KIF26B: variants seen among roughly 807,000 people sequenced by gnomAD.
KIF26B encodes the protein kinesin family member 26B, also known as kinesin-like protein KIF26B.
In KIF26B, 63 loss-of-function variants were observed where a neutral mutation model predicts 151.2. The ratio of observed to expected loss-of-function variants is 0.42; its 90% CI spans 0.34 to 0.51. The LOEUF is 0.51. Ranked by LOEUF, KIF26B falls within the 20% of genes least tolerant of loss-of-function variation. KIF26B has a pLI of 0.07. For missense variants in KIF26B, 2,813 were observed against 2,913.6 expected (o/e 0.97, Z 0.79); for synonymous variants, 1,357 against 1,262.1 (o/e 1.08, Z -1.59).
intron 4 of KIF26B, among the ~76,000 whole-genome samples, chr1:245,443,208 T>C (rs899718318): frequency 1.3e-5 from 2 of 150,750 alleles, no homozygotes; most frequent in African/African-American, 4.9e-5. Context: ...AGAGCTGTCA[T>C]CTCCCTCACT....
At chr1:245,190,639 G>T (rs55943417) in intron 2 of KIF26B, among the ~76,000 whole-genome samples, 62,119 of 138,552 alleles carry the variant, frequency 0.45, 15,251 homozygotes, top group East Asian at 0.71. Context: ...GTTTTGTTTT[G>T]TTTTTTTTTT....
chr1:245,340,093 C>T (rs1285390129), intron 2 of KIF26B, among the ~76,000 whole-genome samples: 1 of 152,166 alleles, frequency 6.6e-6, no homozygotes, highest in African/African-American at 2.4e-5. Context: ...AGAAAAATGA[C>T]AAAATGTTCC....
At chr1:245,657,166 C>A (rs2044084048) in intron 10 of KIF26B, among the ~76,000 whole-genome samples, 1 of 152,274 alleles carries the variant, frequency 6.6e-6, no homozygotes, top group Admixed American at 6.5e-5. Context: ...GATTTGGCAG[C>A]CTCCCATTTA....
chr1:245,541,948 C>T (rs916054988), intron 5 of KIF26B, among the ~76,000 whole-genome samples: 1 of 152,208 alleles, frequency 6.6e-6, no homozygotes, highest in Non-Finnish European at 1.5e-5. Context: ...TTTCACCTTT[C>T]CCAGTTTCTC....
chr1:245,412,811 G>A (rs1348426078), intron 3 of KIF26B, among the ~76,000 whole-genome samples: 1 of 152,206 alleles, frequency 6.6e-6, no homozygotes, highest in Admixed American at 6.5e-5. Context: ...GATGTGGCCT[G>A]TGAAAAGCAG....
chr1:245,284,022 G>T (rs919768635), intron 2 of KIF26B, among the ~76,000 whole-genome samples: 1 of 152,142 alleles, frequency 6.6e-6, no homozygotes, highest in Non-Finnish European at 1.5e-5. Flanking sequence ...AAGTCCCTAC[G>T]CAATGCGGCT....
rs74163858 is a variant in KIF26B, at chr1:245,627,703, G to GA, written c.2098+15737dup. On this transcript the variant is annotated intron_variant, in intron 9 of 14. Transcript: ENST00000407071. ...CAATGAATCCAGGAGCCAGTTTTTT[G>GA]AAAAAAAAAATTAAGGAAATAGACC... 1.9e-3 allele frequency among the ~76,000 whole-genome samples: 277 copies of GA among 147,298 alleles called. 1 individual carries two copies. The highest frequency in any genetic ancestry group is 2.8e-3 in the Non-Finnish European group (187 of 66,606).
chr1:245,339,135 G>A (rs1017097736), intron 2 of KIF26B, among the ~76,000 whole-genome samples: 1 of 151,892 alleles, frequency 6.6e-6, no homozygotes, highest in Non-Finnish European at 1.5e-5. Flanking sequence ...GTGCCACCAC[G>A]CCTGGCTAAT....
chr1:245,379,985 A>G (rs960671955), intron 3 of KIF26B, among the ~76,000 whole-genome samples: 1 of 151,582 alleles, frequency 6.6e-6, no homozygotes, highest in Non-Finnish European at 1.5e-5. Context: ...AAAAAAAAAA[A>G]AAGTCCTCAC....
At chr1:245,235,520 G>A (rs1028116851) in intron 2 of KIF26B, among the ~76,000 whole-genome samples, 4 of 152,034 alleles carry the variant, frequency 2.6e-5, no homozygotes, top group Non-Finnish European at 5.9e-5. Flanking sequence ...TTGAGCCTAA[G>A]AGTTTGAGGT....
intron 3 of KIF26B, among the ~76,000 whole-genome samples, chr1:245,408,349 CTTT>C (rs58724712): frequency 0.19 from 21,069 of 112,870 alleles, 2,525 homozygotes; most frequent in African/African-American, 0.42. Context: ...TTAAATGATT[CTTT>C]TTTTTTTTTT....
chr1:245,387,623 T>A (rs564055432), intron 3 of KIF26B, among the ~76,000 whole-genome samples: 2 of 152,058 alleles, frequency 1.3e-5, no homozygotes, highest in Non-Finnish European at 2.9e-5. Context: ...AGCCTGCAGG[T>A]CTAGACTGCA....
At chr1:245,288,407 G>T (rs925743204) in intron 2 of KIF26B, among the ~76,000 whole-genome samples, 2 of 152,166 alleles carry the variant, frequency 1.3e-5, no homozygotes, top group Non-Finnish European at 2.9e-5. Flanking sequence ...CCCATTTAAC[G>T]ATCAGTTCTA....
At chr1:245,657,668 A>G (rs1308218829) in intron 10 of KIF26B, among the ~76,000 whole-genome samples, 1 of 151,752 alleles carries the variant, frequency 6.6e-6, no homozygotes, top group Non-Finnish European at 1.5e-5. Context: ...CCCCACCCCC[A>G]CAGTCACATG....
chr1:245,450,335 G>A (rs1055212632), intron 4 of KIF26B, among the ~76,000 whole-genome samples: 2 of 152,162 alleles, frequency 1.3e-5, no homozygotes, highest in Admixed American at 1.3e-4. Context: ...TTCGTTGACT[G>A]GGATTAGAAT....
intron 5 of KIF26B, among the ~76,000 whole-genome samples, chr1:245,577,237 T>C (rs993072155): frequency 2.0e-5 from 3 of 152,172 alleles, no homozygotes; most frequent in Admixed American, 6.5e-5. Flanking sequence ...CCTGGTGCAC[T>C]GTAGGGCATT....
In KIF26B at chr1:245,520,611, CCCAT is replaced by C. The variant is rs1210147249; in HGVS notation, c.1167-20107_1167-20104del. Among the ~76,000 whole-genome samples the C allele has an allele frequency of 7.2e-3, 564 of 78,686 alleles. 4 individuals are homozygous for C. Among genetic ancestry groups the C allele is most frequent in the Middle Eastern group, 0.018 (3 of 170 alleles). 51.6% of individuals were successfully genotyped at this position (78,686 alleles called of 152,430 possible). A position where few individuals can be genotyped will look rare whatever the true frequency, so the allele number is the denominator to read the frequency against. ...ATCCATCCATCCATCCACCCACCCACCCATCCATCCATCCATCCATCCATCCATC... is the reference window on the plus strand; with the variant it reads ...ATCCATCCATCCATCCACCCACCCACCCATCCATCCATCCATCCATCCATC... On this transcript the variant is annotated intron_variant, in intron 4 of 14. Transcript: ENST00000407071.
chr1:245,289,388 G>A (rs571804626), intron 2 of KIF26B, among the ~76,000 whole-genome samples: 22 of 152,300 alleles, frequency 1.4e-4, no homozygotes, highest in Admixed American at 3.3e-4. Context: ...GACTCGGCAA[G>A]TGTATGGACT....
rs543655701 is a variant in KIF26B at position 245,612,914 on chromosome 1, G to A, written c.2098+938G>A. 6.6e-5 allele frequency among the ~76,000 whole-genome samples: 10 copies of A among 152,170 alleles called. No homozygotes were observed. The East Asian group carries it at 1.9e-3, about 29-fold the overall frequency. ...TGTTTCCAAAGTCAGCCCGGGCTGG[G>A]GTGCAATTCTCTGCCTTCTGTGAAG... On this transcript the variant is annotated intron_variant, in intron 9 of 14. Coordinates refer to ENST00000407071, the MANE Select transcript of KIF26B (RefSeq NM_018012.4).
Sources: allele counts gnomAD v4.1 joint callset (sites outside exome capture counted in the v4.1 genomes callset), GRCh38; gene constraint gnomAD v4.1.1; transcripts MANE v1.5; gene names NCBI Gene and HGNC (gene_info 2026-07-23, HGNC 2026-07-21).